Variants in C13orf42 observed in about 807,000 individuals in gnomAD.
C13orf42 encodes uncharacterized protein C13orf42.
intron 1 of C13orf42, among the ~76,000 whole-genome samples, chr13:51,158,047 A>AGT (rs1953837803): frequency 6.6e-6 from 1 of 152,242 alleles, no homozygotes; most frequent in South Asian, 2.1e-4. Context: ...CATTATTCCC[A>AGT]GGCCTTACAC....
intron 1 of C13orf42, among the ~76,000 whole-genome samples, chr13:51,096,203 CTTTCCTAAAGA>C (rs1469538318): frequency 1.3e-5 from 2 of 152,204 alleles, no homozygotes; most frequent in African/African-American, 2.4e-5. Flanking sequence ...TTCCTTTCTG[CTTTCCTAAAGA>C]GAGGGTTTCC....
At chr13:51,109,232 A>C (rs964316983) in intron 1 of C13orf42, among the ~76,000 whole-genome samples, 12 of 152,332 alleles carry the variant, frequency 7.9e-5, no homozygotes, top group African/African-American at 2.6e-4. Flanking sequence ...CTGGTATAAC[A>C]TGCAGACAGT....
At chr13:51,167,235 C>T (rs190197675) in intron 1 of C13orf42, among the ~76,000 whole-genome samples, 1,711 of 152,202 alleles carry the variant, frequency 0.011, 32 homozygotes, top group African/African-American at 0.039. Flanking sequence ...AGCACAAACA[C>T]ATACAACACA....
chr13:51,090,754 G>T (rs957218325), intron 1 of C13orf42, among the ~76,000 whole-genome samples: 1 of 152,158 alleles, frequency 6.6e-6, no homozygotes, highest in African/African-American at 2.4e-5. Flanking sequence ...GTCAATGTTG[G>T]TGTCTTAGCT....
At chr13:51,137,091 C>T (rs1168203222) in intron 1 of C13orf42, among the ~76,000 whole-genome samples, 1 of 152,008 alleles carries the variant, frequency 6.6e-6, no homozygotes, top group Non-Finnish European at 1.5e-5. Flanking sequence ...GTGTGTGTGT[C>T]GCAGATCTAT....
rs1953094512 is a variant in C13orf42, at chr13:51,084,116, C to A, written c.*35G>T. On this transcript the variant is annotated 3_prime_UTR_variant, in exon 4 of 4. Coordinates refer to ENST00000563710, the MANE Select transcript of C13orf42 (RefSeq NM_001351589.3). ...CTGAAAGCGGACAGCTTCTCAGGGACCCAGTCTGAGACACGTCAAGGAATC... is the reference window on the plus strand; with the variant it reads ...CTGAAAGCGGACAGCTTCTCAGGGAACCAGTCTGAGACACGTCAAGGAATC... The A allele has an allele frequency of 2.5e-6, 1 of 398,542 alleles. No individual in the cohort carries two copies. Among genetic ancestry groups the A allele is most frequent in the African/African-American group, 2.1e-5 (1 of 48,642 alleles). The allele number at this position is 398,542 out of a possible 1,614,324, so 24.7% of individuals were successfully genotyped here. A position where few individuals can be genotyped will look rare whatever the true frequency, so the allele number is the denominator to read the frequency against.
intron 1 of C13orf42, among the ~76,000 whole-genome samples, chr13:51,121,457 T>C (rs1953534860): frequency 1.3e-5 from 2 of 152,084 alleles, no homozygotes; most frequent in Non-Finnish European, 2.9e-5. Flanking sequence ...ATTTTGGAAA[T>C]ACATATCAAA....
intron 1 of C13orf42, among the ~76,000 whole-genome samples, chr13:51,138,646 A>G (rs1953674935): frequency 6.6e-6 from 1 of 152,212 alleles, no homozygotes. Context: ...TGGAAATGCA[A>G]AATGGTATAG....
chr13:51,168,298 C>G (rs937915903), intron 1 of C13orf42, among the ~76,000 whole-genome samples: 2 of 152,230 alleles, frequency 1.3e-5, no homozygotes, highest in African/African-American at 4.8e-5. Flanking sequence ...CAGTTTCTCA[C>G]TGTCTGGTAA....
intron 1 of C13orf42, among the ~76,000 whole-genome samples, chr13:51,171,673 C>A (rs1262964607): frequency 2.0e-5 from 3 of 152,100 alleles, no homozygotes; most frequent in African/African-American, 7.3e-5. Flanking sequence ...GACTAGCCCT[C>A]CCCCACCTGC....
chr13:51,162,791 T>G (rs1003111460), intron 1 of C13orf42, among the ~76,000 whole-genome samples: 1 of 152,182 alleles, frequency 6.6e-6, no homozygotes, highest in African/African-American at 2.4e-5. Flanking sequence ...TACCTTCTCC[T>G]GAAGCACAGC....
intron 1 of C13orf42, among the ~76,000 whole-genome samples, chr13:51,148,800 G>A (rs543136522): frequency 2.0e-5 from 3 of 152,282 alleles, no homozygotes; most frequent in South Asian, 4.1e-4. Flanking sequence ...ACCCTCCGCC[G>A]CCAGGCCCCA....
intron 1 of C13orf42, among the ~76,000 whole-genome samples, chr13:51,100,065 T>C (rs1593532419): frequency 6.6e-6 from 1 of 152,144 alleles, no homozygotes; most frequent in South Asian, 2.1e-4. Flanking sequence ...CAGTTGTCAA[T>C]AAATAGTGTT....
chr13:51,147,587 G>A (rs9535584), intron 1 of C13orf42, among the ~76,000 whole-genome samples: 14,332 of 152,134 alleles, frequency 0.094, 992 homozygotes, highest in East Asian at 0.26. Context: ...AAATTAGCCG[G>A]GCATGATGGC....
chr13:51,152,858 G>T (rs1428866795), intron 1 of C13orf42, among the ~76,000 whole-genome samples: 1 of 152,120 alleles, frequency 6.6e-6, no homozygotes, highest in Non-Finnish European at 1.5e-5. Flanking sequence ...AATCCCTCCA[G>T]CCTCTTTGCT....
intron 1 of C13orf42, among the ~76,000 whole-genome samples, chr13:51,170,129 C>T (rs898984752): frequency 6.6e-6 from 1 of 152,240 alleles, no homozygotes; most frequent in Non-Finnish European, 1.5e-5. Flanking sequence ...CACTCCTACC[C>T]GCCAGAGAAC....
chr13:51,108,275 C>A (rs1254712997), intron 1 of C13orf42, among the ~76,000 whole-genome samples: 1 of 152,144 alleles, frequency 6.6e-6, no homozygotes, highest in African/African-American at 2.4e-5. Flanking sequence ...GTTAGGACTT[C>A]CACATATACA....
intron 2 of C13orf42, among the ~76,000 whole-genome samples, chr13:51,086,724 A>G (rs2137973714): frequency 6.6e-6 from 1 of 152,200 alleles, no homozygotes; most frequent in East Asian, 1.9e-4. Context: ...AAAAATTATA[A>G]CTCTGAAAAT....
intron 1 of C13orf42, among the ~76,000 whole-genome samples, chr13:51,122,267 C>G (rs980916247): frequency 6.6e-6 from 1 of 151,940 alleles, no homozygotes; most frequent in African/African-American, 2.4e-5. Flanking sequence ...GGCACAGTGG[C>G]TCACGCCTGT....
Sources: allele counts gnomAD v4.1 joint callset (sites outside exome capture counted in the v4.1 genomes callset), GRCh38; gene constraint gnomAD v4.1.1; transcripts MANE v1.5; gene names NCBI Gene and HGNC (gene_info 2026-07-23, HGNC 2026-07-21).